The following CCDC170 variants were observed in gnomAD, a reference collection of about 807,000 sequenced individuals.
CCDC170 encodes coiled-coil domain containing 170, also known as coiled-coil domain-containing protein 170.
CCDC170 carries 69 observed loss-of-function variants against 72.6 expected under a neutral mutation model. That is an observed-to-expected ratio of 0.95 (90% confidence interval 0.78 to 1.16). CCDC170 has a LOEUF of 1.16. Ranked by LOEUF, CCDC170 falls within the 50% of genes most tolerant of loss-of-function variation. The probability of loss-of-function intolerance (pLI) is 0.00; values close to 1 mark genes in which losing one functional copy is unlikely to be tolerated. For missense variants in CCDC170, 852 were observed against 832.5 expected (o/e 1.02, Z -0.29); for synonymous variants, 300 against 303.9 (o/e 0.99, Z 0.13).
intron 8 of CCDC170, among the ~76,000 whole-genome samples, chr6:151,595,613 C>G (rs1041196954): frequency 6.6e-5 from 10 of 152,028 alleles, no homozygotes; most frequent in East Asian, 1.9e-4. Context: ...CCCAGGAGTT[C>G]AAGGCCAGCC....
intron 1 of CCDC170, among the ~76,000 whole-genome samples, chr6:151,509,487 C>T (rs941598992): frequency 3.3e-5 from 5 of 152,032 alleles, no homozygotes; most frequent in Admixed American, 6.6e-5. Flanking sequence ...TTTTTGAGTC[C>T]AGCCTAAGAA....
At chr6:151,594,714 C>T (rs1056262249) in intron 8 of CCDC170, among the ~76,000 whole-genome samples, 4 of 151,274 alleles carry the variant, frequency 2.6e-5, no homozygotes, top group East Asian at 1.9e-4. Flanking sequence ...TGCAATGGTG[C>T]GATCTCGGCT....
At chr6:151,606,420 G>A (rs1002998542) in intron 9 of CCDC170, among the ~76,000 whole-genome samples, 14 of 152,044 alleles carry the variant, frequency 9.2e-5, no homozygotes, top group African/African-American at 2.7e-4. Flanking sequence ...CCATGTATTT[G>A]TAGAATTTCC....
At chr6:151,591,955 CAA>C (rs1278045935) in intron 7 of CCDC170, among the ~76,000 whole-genome samples, 2,495 of 148,976 alleles carry the variant, frequency 0.017, 71 homozygotes, top group African/African-American at 0.061. Flanking sequence ...TTGCCAGTGA[CAA>C]CCGGCTAAGT....
intron 7 of CCDC170, among the ~76,000 whole-genome samples, chr6:151,591,684 A>T (rs916708932): frequency 5.9e-5 from 9 of 151,874 alleles, no homozygotes; most frequent in African/African-American, 2.2e-4. Flanking sequence ...TTTAGTAGAG[A>T]CGGGGTTTCA....
At chr6:151,512,668 G>A (rs1318484498) in intron 1 of CCDC170, among the ~76,000 whole-genome samples, 1 of 151,076 alleles carries the variant, frequency 6.6e-6, no homozygotes, top group Non-Finnish European at 1.5e-5. Flanking sequence ...TCTAAGAACT[G>A]TTGTAAGGGT....
At chr6:151,507,704 C>T (rs894293315) in intron 1 of CCDC170, among the ~76,000 whole-genome samples, 6 of 151,912 alleles carry the variant, frequency 3.9e-5, no homozygotes, top group Non-Finnish European at 5.9e-5. Flanking sequence ...GGGCAGATCA[C>T]GAGGTCAAGA....
chr6:151,512,151 C>A (rs954084694), intron 1 of CCDC170, among the ~76,000 whole-genome samples: 4 of 146,278 alleles, frequency 2.7e-5, no homozygotes, highest in Non-Finnish European at 6.0e-5. Context: ...AGCAGTATAC[C>A]GTTTTTTTTT....
chr6:151,582,986 CTTTTTTTT>C (rs35947074), intron 6 of CCDC170, among the ~76,000 whole-genome samples: 1 of 94,234 alleles, frequency 1.1e-5, no homozygotes, highest in Admixed American at 1.3e-4. Context: ...TGGAGTAGCA[CTTTTTTTT>C]TTTTTTTTTT....
intron 9 of CCDC170, among the ~76,000 whole-genome samples, chr6:151,603,373 T>C (rs1403976211): frequency 2.6e-5 from 4 of 152,218 alleles, no homozygotes; most frequent in African/African-American, 9.7e-5. Flanking sequence ...TGCCATGACA[T>C]AGTTTGGCTT....
chr6:151,521,710 G>A (rs1313790577), intron 1 of CCDC170, among the ~76,000 whole-genome samples: 4 of 152,194 alleles, frequency 2.6e-5, no homozygotes, highest in South Asian at 2.1e-4. Context: ...CGGGCCAGGC[G>A]TGGTGGCTCA....
chr6:151,594,673 C>T (rs142474955), intron 8 of CCDC170, among the ~76,000 whole-genome samples: 223 of 149,496 alleles, frequency 1.5e-3, no homozygotes, highest in African/African-American at 5.3e-3. Context: ...TTTTTTGAGA[C>T]AGAGTTTCAC....
chr6:151,596,270 G>T, intron 8 of CCDC170, 65 bp from the exon 9 acceptor site: 2 of 1,453,438 alleles, frequency 1.4e-6, no homozygotes, highest in Non-Finnish European at 1.8e-6. Flanking sequence ...CATTATCTGG[G>T]TAACTCATTT....
At chr6:151,549,616 G>A (rs1782845266) in intron 5 of CCDC170, among the ~76,000 whole-genome samples, 1 of 151,174 alleles carries the variant, frequency 6.6e-6, no homozygotes, top group African/African-American at 2.4e-5. Flanking sequence ...TTGTAGAGAC[G>A]GGGTCTCACT....
chr6:151,616,561 CT>C (rs889647103), intron 10 of CCDC170, among the ~76,000 whole-genome samples: 37 of 152,044 alleles, frequency 2.4e-4, no homozygotes, highest in African/African-American at 8.7e-4. Context: ...AGAAAGGAAA[CT>C]TCTTCGGAAT....
At chr6:151,553,423 T>A (rs9397426) in intron 5 of CCDC170, among the ~76,000 whole-genome samples, 3,908 of 152,232 alleles carry the variant, frequency 0.026, 275 homozygotes, top group East Asian at 0.23. Context: ...ATGTCCTCAG[T>A]GAGTAATTTT....
chr6:151,569,240 C>T (rs1776184182), intron 5 of CCDC170, among the ~76,000 whole-genome samples: 2 of 152,110 alleles, frequency 1.3e-5, no homozygotes, highest in African/African-American at 4.8e-5. Flanking sequence ...TCATGTGTAT[C>T]TAAATCCATA....
chr6:151,545,620 G>T (rs917404871), intron 4 of CCDC170, among the ~76,000 whole-genome samples: 9 of 151,094 alleles, frequency 6.0e-5, no homozygotes, highest in Non-Finnish European at 1.5e-5. Context: ...GTTTGTTGTT[G>T]TTTTTTTTTT....
chr6:151,525,026 A>G (rs908830645), intron 1 of CCDC170, among the ~76,000 whole-genome samples: 58 of 139,220 alleles, frequency 4.2e-4, no homozygotes, highest in African/African-American at 1.0e-3. Flanking sequence ...TCCGCCTCCC[A>G]GGTTCACGCC....
Sources: gnomAD v4.1 joint callset for allele counts (sites outside exome capture counted in the v4.1 genomes callset) on GRCh38, gnomAD v4.1.1 for gene constraint, MANE v1.5 for transcripts, NCBI Gene and HGNC (gene_info 2026-07-23, HGNC 2026-07-21) for gene names.